The following CAST variants were observed in gnomAD, a reference collection of about 807,000 sequenced individuals.
CAST encodes calpastatin.
Under a neutral mutation model 119.6 loss-of-function variants are expected in CAST, and 76 were observed. The ratio of observed to expected loss-of-function variants is 0.64; its 90% CI spans 0.53 to 0.77. The LOEUF (loss-of-function observed/expected upper bound fraction) is 0.77, where lower values mean the gene tolerates loss of function less well. Among genes scored for constraint, CAST ranks in the 30% least tolerant of loss-of-function variants. CAST has a pLI of 0.00. For missense variants in CAST, 953 were observed against 946.5 expected (o/e 1.01, Z -0.09); for synonymous variants, 319 against 331.6 (o/e 0.96, Z 0.41).
At chr5:96,031,141 C>T in the CAST span, among the ~76,000 whole-genome samples, 1 of 149,562 alleles carries the variant, frequency 6.7e-6, no homozygotes, top group Non-Finnish European at 1.5e-5. Flanking sequence ...TAATTACTTC[C>T]TTGGAAATAT....
chr5:96,746,296 A>T (rs778915372), intron 16 of CAST, 46 bp from the exon 17 acceptor site: 2 of 1,017,864 alleles, frequency 2.0e-6, no homozygotes, highest in South Asian at 2.5e-5. Context: ...TCATCTCATT[A>T]TGTGCATTAT....
the CAST span, among the ~76,000 whole-genome samples, chr5:96,286,535 C>T: frequency 1.3e-5 from 2 of 152,128 alleles, no homozygotes; most frequent in South Asian, 4.1e-4. Context: ...TTGGAAACAC[C>T]ATGCTTTGCA....
chr5:96,683,948 A>G (rs957163029), intron 2 of CAST, among the ~76,000 whole-genome samples: 1 of 152,228 alleles, frequency 6.6e-6, no homozygotes, highest in East Asian at 1.9e-4. Context: ...CAGTGAGAGC[A>G]TCTTCTTTCT....
chr5:96,141,150 T>G, the CAST span, among the ~76,000 whole-genome samples: 2 of 152,344 alleles, frequency 1.3e-5, no homozygotes, highest in South Asian at 4.1e-4. Flanking sequence ...TTCACTGCAT[T>G]CATAATTCAG....
At chr5:96,499,870 T>C in the CAST span, among the ~76,000 whole-genome samples, 53,864 of 152,044 alleles carry the variant, frequency 0.35, 10,024 homozygotes, top group East Asian at 0.55. Context: ...AGCTTAATCA[T>C]TTCTAGCTTT....
the CAST span, among the ~76,000 whole-genome samples, chr5:96,454,416 G>C: frequency 6.6e-6 from 1 of 152,200 alleles, no homozygotes; most frequent in Admixed American, 6.5e-5. Context: ...TAACACAAAA[G>C]AGGTGCTGGT....
chr5:96,208,090 G>GT, the CAST span, among the ~76,000 whole-genome samples: 1 of 149,952 alleles, frequency 6.7e-6, no homozygotes, highest in Admixed American at 6.6e-5. Context: ...AGGTTTTCTA[G>GT]TTTGTGTGCA....
At chr5:96,592,639 T>C (rs1413868669) in intron 1 of CAST, among the ~76,000 whole-genome samples, 1 of 152,210 alleles carries the variant, frequency 6.6e-6, no homozygotes, top group Admixed American at 6.5e-5. Flanking sequence ...ACATAATTAT[T>C]AAAGAAACTC....
intron 1 of CAST, among the ~76,000 whole-genome samples, chr5:96,549,164 C>A (rs1425060565): frequency 6.6e-6 from 1 of 152,212 alleles, no homozygotes; most frequent in Non-Finnish European, 1.5e-5. Context: ...TTTTAATTAA[C>A]TGGCACAAGC....
intron 2 of CAST, among the ~76,000 whole-genome samples, chr5:96,686,167 TC>T (rs1752056940): frequency 7.9e-6 from 1 of 126,802 alleles, no homozygotes; most frequent in East Asian, 2.8e-4. Flanking sequence ...TTTTGATTAT[TC>T]CTTTTTTTTT....
At chr5:96,106,692 A>G in the CAST span, among the ~76,000 whole-genome samples, 5 of 151,650 alleles carry the variant, frequency 3.3e-5, no homozygotes, top group Non-Finnish European at 5.9e-5. Flanking sequence ...AAAAAAATGT[A>G]TATTCTATTG....
the CAST span, chr5:96,410,767 A>C: frequency 6.2e-7 from 1 of 1,609,628 alleles, no homozygotes. Context: ...AGACAAAAGC[A>C]ACATACGATT....
At chr5:96,344,969 A>T in the CAST span, among the ~76,000 whole-genome samples, 1 of 152,196 alleles carries the variant, frequency 6.6e-6, no homozygotes, top group South Asian at 2.1e-4. Context: ...ATTTGGTCGA[A>T]GTCTTGCCTT....
the CAST span, among the ~76,000 whole-genome samples, chr5:96,008,092 A>G: frequency 6.6e-6 from 1 of 152,204 alleles, no homozygotes; most frequent in Non-Finnish European, 1.5e-5. Flanking sequence ...TGGACTTCCC[A>G]GCCTCTAAAA....
At chr5:96,087,300 AGT>A in the CAST span, among the ~76,000 whole-genome samples, 2 of 152,206 alleles carry the variant, frequency 1.3e-5, no homozygotes, top group African/African-American at 4.8e-5. Context: ...GAGAACTAAG[AGT>A]GTGTGTGCAT....
the CAST span, among the ~76,000 whole-genome samples, chr5:96,097,165 A>C: frequency 1.3e-5 from 2 of 152,026 alleles, no homozygotes; most frequent in Non-Finnish European, 2.9e-5. Context: ...GTGAATGGGG[A>C]AGCTCTTTGA....
chr5:96,726,722 CT>C, intron 4 of CAST, 71 bp from the exon 5 acceptor site: 1 of 1,041,064 alleles, frequency 9.6e-7, no homozygotes, highest in South Asian at 1.4e-5. Context: ...CATTTTAACC[CT>C]TTTTGTACAT....
chr5:96,387,594 C>G, the CAST span, among the ~76,000 whole-genome samples: 3 of 152,088 alleles, frequency 2.0e-5, no homozygotes, highest in African/African-American at 7.2e-5. Context: ...TAAGCATTTT[C>G]TTATCCAAAA....
intron 1 of CAST, among the ~76,000 whole-genome samples, chr5:96,541,625 C>G (rs55804988): frequency 0.012 from 1,804 of 152,284 alleles, 31 homozygotes; most frequent in African/African-American, 0.041. Context: ...CTATTCATTC[C>G]TGTCTCTTCC....
Sources: gnomAD v4.1 joint callset for allele counts (sites outside exome capture counted in the v4.1 genomes callset) on GRCh38, gnomAD v4.1.1 for gene constraint, MANE v1.5 for transcripts, NCBI Gene and HGNC (gene_info 2026-07-23, HGNC 2026-07-21) for gene names.